CLVS1: variants seen among roughly 807,000 people sequenced by gnomAD.
The protein encoded by CLVS1 is clavesin 1, also known as clavesin-1.
CLVS1 carries 10 observed loss-of-function variants against 33.1 expected under a neutral mutation model. The ratio of observed to expected loss-of-function variants is 0.30; its 90% CI spans 0.19 to 0.51. The LOEUF (loss-of-function observed/expected upper bound fraction) is 0.51, where lower values mean the gene tolerates loss of function less well. Among genes scored for constraint, CLVS1 ranks in the 20% least tolerant of loss-of-function variants. CLVS1 has a pLI of 0.97. For missense variants in CLVS1, 343 were observed against 433.4 expected, an observed-to-expected ratio of 0.79 and a Z score of 1.85; for synonymous variants, 163 against 166.1, an observed-to-expected ratio of 0.98 and a Z score of 0.14.
chr8:61,290,301 A>C (rs967583649), intron 1 of CLVS1, among the ~76,000 whole-genome samples: 2 of 152,312 alleles, frequency 1.3e-5, no homozygotes, highest in East Asian at 3.9e-4. Context: ...TGAGCTTATT[A>C]ATTTTTATAG....
intron 2 of CLVS1, among the ~76,000 whole-genome samples, chr8:61,212,212 G>A (rs975897793): frequency 1.3e-5 from 2 of 152,188 alleles, no homozygotes; most frequent in Non-Finnish European, 2.9e-5. Flanking sequence ...GGAACCACCA[G>A]GGCTGCAGCG....
chr8:61,308,425 A>T (rs1810709058), intron 2 of CLVS1, among the ~76,000 whole-genome samples: 1 of 152,100 alleles, frequency 6.6e-6, no homozygotes, highest in Non-Finnish European at 1.5e-5. Context: ...GAAAGACTGC[A>T]AGTGGGTTTC....
At chr8:61,111,065 G>A (rs533225393) in intron 1 of CLVS1, among the ~76,000 whole-genome samples, 3 of 152,222 alleles carry the variant, frequency 2.0e-5, no homozygotes, top group Admixed American at 6.5e-5. Flanking sequence ...AGATTGGATT[G>A]CTGGATCGTA....
the CLVS1 span, among the ~76,000 whole-genome samples, chr8:60,979,104 G>T: frequency 6.6e-6 from 1 of 152,180 alleles, no homozygotes; most frequent in African/African-American, 2.4e-5. Flanking sequence ...ATAACAGAGT[G>T]GAGAGAGCAT....
intron 2 of CLVS1, among the ~76,000 whole-genome samples, chr8:61,355,126 T>C (rs1302596979): frequency 6.6e-6 from 1 of 152,180 alleles, no homozygotes; most frequent in Non-Finnish European, 1.5e-5. Context: ...GATATAGCAC[T>C]TGACTTTATC....
chr8:61,212,685 TA>T (rs1807996004), intron 2 of CLVS1, among the ~76,000 whole-genome samples: 2 of 152,112 alleles, frequency 1.3e-5, no homozygotes, highest in Admixed American at 1.3e-4. Flanking sequence ...AAGACAGAGC[TA>T]AAATTCCTTA....
chr8:61,014,579 G>C, the CLVS1 span, among the ~76,000 whole-genome samples: 1 of 152,184 alleles, frequency 6.6e-6, no homozygotes. Context: ...AGAAATTACT[G>C]TAACTTGTGA....
intron 5 of CLVS1, among the ~76,000 whole-genome samples, chr8:61,473,391 C>T (rs533857615): frequency 1.6e-4 from 22 of 141,924 alleles, no homozygotes; most frequent in Admixed American, 9.8e-4. Flanking sequence ...GAGCAGAAAG[C>T]GAGGGGGAAA....
At chr8:61,003,266 G>A in the CLVS1 span, among the ~76,000 whole-genome samples, 1 of 152,160 alleles carries the variant, frequency 6.6e-6, no homozygotes, top group South Asian at 2.1e-4. Flanking sequence ...TAGGAATTAT[G>A]TTTTTTGACT....
chr8:61,170,957 G>A (rs904754055), intron 2 of CLVS1, among the ~76,000 whole-genome samples: 2 of 152,266 alleles, frequency 1.3e-5, no homozygotes, highest in Non-Finnish European at 1.5e-5. Flanking sequence ...CTTACTTTCT[G>A]TCCTTTTATG....
At chr8:61,349,687 A>T (rs1337517333) in intron 2 of CLVS1, among the ~76,000 whole-genome samples, 6 of 152,120 alleles carry the variant, frequency 3.9e-5, no homozygotes, top group African/African-American at 1.4e-4. Context: ...AACAATCTGA[A>T]TTACTTTGCA....
intron 1 of CLVS1, among the ~76,000 whole-genome samples, chr8:61,077,453 T>G (rs1162167565): frequency 4.9e-4 from 39 of 79,210 alleles, no homozygotes; most frequent in Admixed American, 9.5e-4. Context: ...ATTATTATTA[T>G]TATTATTATT....
chr8:61,137,090 T>C (rs536130188), intron 2 of CLVS1, among the ~76,000 whole-genome samples: 1 of 152,336 alleles, frequency 6.6e-6, no homozygotes, highest in East Asian at 1.9e-4. Flanking sequence ...ATTCTTACTC[T>C]ATCTAGGGCT....
intron 2 of CLVS1, among the ~76,000 whole-genome samples, chr8:61,306,191 C>A (rs1810620527): frequency 6.6e-6 from 1 of 152,162 alleles, no homozygotes; most frequent in South Asian, 2.1e-4. Context: ...CACAACTTCA[C>A]CATCATCTGT....
intron 2 of CLVS1, among the ~76,000 whole-genome samples, chr8:61,343,655 C>T (rs989903660): frequency 2.6e-5 from 4 of 152,126 alleles, no homozygotes; most frequent in Admixed American, 1.3e-4. Flanking sequence ...GTCTGGGCAA[C>T]GAGAGCTCAG....
chr8:61,145,329 A>G (rs1183310377), intron 2 of CLVS1, among the ~76,000 whole-genome samples: 1 of 152,204 alleles, frequency 6.6e-6, no homozygotes, highest in Non-Finnish European at 1.5e-5. Flanking sequence ...TTTTTACAGT[A>G]AAAAGACAAG....
chr8:61,342,083 T>C (rs1812046502), intron 2 of CLVS1, among the ~76,000 whole-genome samples: 1 of 152,148 alleles, frequency 6.6e-6, no homozygotes, highest in Non-Finnish European at 1.5e-5. Context: ...TTTGCCCAAA[T>C]CTCTCTGGTA....
At chr8:61,162,403 A>G (rs2129296846) in intron 2 of CLVS1, among the ~76,000 whole-genome samples, 1 of 152,346 alleles carries the variant, frequency 6.6e-6, no homozygotes, top group South Asian at 2.1e-4. Flanking sequence ...TAGATTTGGC[A>G]TAGCTGGCAG....
At chr8:60,983,019 G>C in the CLVS1 span, among the ~76,000 whole-genome samples, 1 of 152,122 alleles carries the variant, frequency 6.6e-6, no homozygotes, top group Non-Finnish European at 1.5e-5. Context: ...AAAGACTTAC[G>C]CTAGCTGGTA....
Sources: gnomAD v4.1 joint callset for allele counts (sites outside exome capture counted in the v4.1 genomes callset) on GRCh38, gnomAD v4.1.1 for gene constraint, MANE v1.5 for transcripts, NCBI Gene and HGNC (gene_info 2026-07-23, HGNC 2026-07-21) for gene names.